The following FOXO1 variants were observed in gnomAD, a reference collection of about 807,000 sequenced individuals.
FOXO1 encodes forkhead box protein O1.
A neutral mutation model predicts 44.1 loss-of-function variants in FOXO1; 6 were observed. The ratio of observed to expected loss-of-function variants is 0.14; its 90% CI spans 0.07 to 0.27. FOXO1 has a LOEUF of 0.27. FOXO1 is among the 10% of genes least tolerant of loss of function. The pLI, the probability that FOXO1 is intolerant of heterozygous loss-of-function variation, is 1.00. For missense variants in FOXO1, 737 were observed against 888.8 expected, an observed-to-expected ratio of 0.83 and a Z score of 2.17; for synonymous variants, 380 against 362.7, an observed-to-expected ratio of 1.05 and a Z score of -0.54.
intron 1 of FOXO1, among the ~76,000 whole-genome samples, chr13:40,640,233 TTA>T (rs1877302542): frequency 2.0e-5 from 3 of 152,182 alleles, no homozygotes; most frequent in Non-Finnish European, 4.4e-5. Context: ...GTAAAGGGAA[TTA>T]AAAGAATTGC....
At chr13:40,587,815 C>T (rs1875227004) in intron 1 of FOXO1, among the ~76,000 whole-genome samples, 1 of 152,204 alleles carries the variant, frequency 6.6e-6, no homozygotes, top group African/African-American at 2.4e-5. Flanking sequence ...AACTAAAGTG[C>T]TGTCTTCAGT....
chr13:40,619,503 A>C, intron 1 of FOXO1: 2 of 1,325,652 alleles, frequency 1.5e-6, no homozygotes, highest in South Asian at 2.4e-5. Context: ...TTAGTTTGGA[A>C]ATCCACATAA....
chr13:40,596,273 C>T (rs1478302535), intron 1 of FOXO1, among the ~76,000 whole-genome samples: 2 of 152,188 alleles, frequency 1.3e-5, no homozygotes, highest in Non-Finnish European at 2.9e-5. Flanking sequence ...TGGCAGAAAG[C>T]TGGGGTCTGT....
intron 1 of FOXO1, among the ~76,000 whole-genome samples, chr13:40,629,930 C>T (rs1876906832): frequency 6.6e-6 from 1 of 152,168 alleles, no homozygotes; most frequent in South Asian, 2.1e-4. Context: ...ATTCTGAAAC[C>T]AGAGGACCTA....
intron 1 of FOXO1, among the ~76,000 whole-genome samples, chr13:40,595,370 G>GATCT (rs1375586083): frequency 2.0e-5 from 3 of 152,144 alleles, no homozygotes; most frequent in Admixed American, 2.0e-4. Context: ...GATCATCAGG[G>GATCT]ATCTATCTAT....
At chr13:40,599,924 C>T (rs986307156) in intron 1 of FOXO1, among the ~76,000 whole-genome samples, 2 of 152,092 alleles carry the variant, frequency 1.3e-5, no homozygotes, top group African/African-American at 4.8e-5. Context: ...AAACTGGAGG[C>T]AGCAAGCCGA....
At position 40,557,618 on chromosome 13, in the gene FOXO1, G is replaced by T. The variant is rs1873806109; in HGVS notation, c.*1431C>A. 1 of 152,172 alleles carries T rather than the reference G, an allele frequency of 6.6e-6. No homozygotes were observed. Among genetic ancestry groups the T allele is most frequent in the African/African-American group, 2.4e-5 (1 of 41,430 alleles). 9.4% of individuals were successfully genotyped at this position (152,172 alleles called of 1,614,324 possible). A position where few individuals can be genotyped will look rare whatever the true frequency, so the allele number is the denominator to read the frequency against. ...CACAGTGTGCTAAGTAATCTAATCT[G>T]CAGGGCAGAAGGGAGAATGAGATGA... On this transcript the variant is annotated 3_prime_UTR_variant, in exon 3 of 3. Transcript: ENST00000379561.
chr13:40,613,836 T>C (rs1876320611), intron 1 of FOXO1, among the ~76,000 whole-genome samples: 2 of 152,204 alleles, frequency 1.3e-5, no homozygotes, highest in South Asian at 2.1e-4. Flanking sequence ...GCAGCTTTCA[T>C]GGAACTGAAG....
intron 1 of FOXO1, among the ~76,000 whole-genome samples, chr13:40,637,216 A>G (rs1593409734): frequency 6.6e-6 from 1 of 152,110 alleles, no homozygotes; most frequent in Admixed American, 6.6e-5. Flanking sequence ...GTGCCAAGGC[A>G]GGCGGATCAG....
intron 1 of FOXO1, among the ~76,000 whole-genome samples, chr13:40,614,693 T>C (rs1876358710): frequency 6.6e-6 from 1 of 152,136 alleles, no homozygotes; most frequent in South Asian, 2.1e-4. Flanking sequence ...TCTGAAACAC[T>C]TAGACTATTT....
chr13:40,617,244 G>C (rs7336080), intron 1 of FOXO1, among the ~76,000 whole-genome samples: 5 of 152,072 alleles, frequency 3.3e-5, no homozygotes, highest in Non-Finnish European at 7.4e-5. Flanking sequence ...TCAGGAGTTC[G>C]AGACCAGCCT....
intron 1 of FOXO1, among the ~76,000 whole-genome samples, chr13:40,588,921 A>G (rs1474900488): frequency 6.6e-6 from 1 of 152,178 alleles, no homozygotes; most frequent in African/African-American, 2.4e-5. Context: ...CCTGGCCAAC[A>G]TGGTAAAACC....
intron 1 of FOXO1, among the ~76,000 whole-genome samples, chr13:40,648,740 T>C (rs1877585200): frequency 1.3e-5 from 2 of 152,180 alleles, no homozygotes; most frequent in African/African-American, 4.8e-5. Flanking sequence ...TCATGCCCCA[T>C]ATCTGACCAG....
At chr13:40,662,232 TAAAAC>T (rs1414383281) in intron 1 of FOXO1, among the ~76,000 whole-genome samples, 2 of 133,642 alleles carry the variant, frequency 1.5e-5, no homozygotes, top group Non-Finnish European at 3.3e-5. Flanking sequence ...ATACCTCTAA[TAAAAC>T]AATCTAAAAA....
At chr13:40,568,036 A>G (rs1041257641) in intron 1 of FOXO1, among the ~76,000 whole-genome samples, 7 of 152,144 alleles carry the variant, frequency 4.6e-5, no homozygotes, top group Non-Finnish European at 8.8e-5. Flanking sequence ...GCAGGAATCC[A>G]TAGCAGCTGA....
At chr13:40,665,430 G>A (rs1028881148) in intron 1 of FOXO1, among the ~76,000 whole-genome samples, 153 bp downstream of exon 1, 2 of 143,624 alleles carry the variant, frequency 1.4e-5, no homozygotes, top group African/African-American at 5.9e-5. Context: ...ACCGGACCCG[G>A]GCGAGGCCAC....
chr13:40,588,057 G>C (rs535715999), intron 1 of FOXO1, among the ~76,000 whole-genome samples: 1 of 152,290 alleles, frequency 6.6e-6, no homozygotes, highest in Admixed American at 6.5e-5. Flanking sequence ...ATCTGCTATG[G>C]TGCGGGAGGA....
rs991177035 is a variant in FOXO1, at chr13:40,559,894, C to A, written c.1597G>T (p.Ala533Ser). 1 of 1,614,188 alleles carries A rather than the reference C, an allele frequency of 6.2e-7. No homozygotes were observed. Among genetic ancestry groups the A allele is most frequent in the African/African-American group, 1.3e-5 (1 of 75,040 alleles). ...THPGHAQQTS[A>S]VNGRPLPHTV... ...TGGGGCAGGGGACGCCCGTTAACTG[C>A]AGATGTCTGCTGAGCATGTCCAGGG... Residue 533 changes from alanine to serine, a missense_variant, in exon 2 of 3, where the codon GCA becomes TCA. By Grantham distance (99) the Ala-to-Ser change is moderately conservative (BLOSUM62 1). Transcript: ENST00000379561.
intron 1 of FOXO1, among the ~76,000 whole-genome samples, chr13:40,569,200 C>T (rs532083116): frequency 6.6e-6 from 1 of 152,168 alleles, no homozygotes; most frequent in South Asian, 2.1e-4. Flanking sequence ...AATGGAAGAA[C>T]TCATAGGTGT....
Sources: gnomAD v4.1 joint callset for allele counts (sites outside exome capture counted in the v4.1 genomes callset) on GRCh38, gnomAD v4.1.1 for gene constraint, MANE v1.5 for transcripts, NCBI Gene and HGNC (gene_info 2026-07-23, HGNC 2026-07-21) for gene names.